The following CLEC16A variants were observed in gnomAD, a reference collection of about 807,000 sequenced individuals.
The protein encoded by CLEC16A is protein CLEC16A.
CLEC16A carries 51 observed loss-of-function variants against 109.5 expected under a neutral mutation model. That is an observed-to-expected ratio of 0.47 (90% CI 0.37 to 0.59). The LOEUF (loss-of-function observed/expected upper bound fraction) is 0.59, where lower values mean the gene tolerates loss of function less well. CLEC16A is among the 20% of genes least tolerant of loss of function. The probability of loss-of-function intolerance (pLI) is 0.00; values close to 1 mark genes in which losing one functional copy is unlikely to be tolerated. For missense variants in CLEC16A, 1,339 were observed against 1,394.0 expected, an observed-to-expected ratio of 0.96 and a Z score of 0.63; for synonymous variants, 673 against 564.2, an observed-to-expected ratio of 1.19 and a Z score of -2.73.
At chr16:11,025,874 G>A (rs566736195) in intron 13 of CLEC16A, among the ~76,000 whole-genome samples, 7 of 152,246 alleles carry the variant, frequency 4.6e-5, no homozygotes, top group South Asian at 2.1e-4. Flanking sequence ...TCCTGCTACC[G>A]GTTTCTCTTG....
intron 20 of CLEC16A, among the ~76,000 whole-genome samples, chr16:11,122,681 C>G (rs1180897843): frequency 6.6e-6 from 1 of 152,152 alleles, no homozygotes; most frequent in African/African-American, 2.4e-5. Flanking sequence ...TTGTCCCCAC[C>G]TCCTTTAACA....
intron 19 of CLEC16A, among the ~76,000 whole-genome samples, chr16:11,090,658 T>A (rs1044859084): frequency 6.6e-6 from 1 of 152,218 alleles, no homozygotes; most frequent in East Asian, 1.9e-4. Context: ...ATTTAGTTAG[T>A]TTTTGAGAGA....
At chr16:11,144,198 C>T (rs961722313) in intron 22 of CLEC16A, among the ~76,000 whole-genome samples, 1 of 152,184 alleles carries the variant, frequency 6.6e-6, no homozygotes, top group Non-Finnish European at 1.5e-5. Context: ...GGGAACTGCA[C>T]CCAAATGAGC....
chr16:11,092,576 A>G (rs748876068), intron 19 of CLEC16A, among the ~76,000 whole-genome samples: 8 of 152,118 alleles, frequency 5.3e-5, no homozygotes, highest in African/African-American at 1.2e-4. Context: ...GCTTAAACCA[A>G]TCCCTGGCTT....
chr16:11,054,608 T>C (rs1369709360), intron 18 of CLEC16A, among the ~76,000 whole-genome samples: 1 of 152,324 alleles, frequency 6.6e-6, no homozygotes, highest in South Asian at 2.1e-4. Context: ...CAGAATGATA[T>C]AAAAGAGGCC....
intron 3 of CLEC16A, among the ~76,000 whole-genome samples, chr16:10,968,325 C>G (rs990241048): frequency 6.6e-6 from 1 of 152,212 alleles, no homozygotes. Context: ...ATGTCAGGAT[C>G]AGGAGATGCA....
chr16:11,040,932 C>T (rs1415527271), intron 14 of CLEC16A: 1 of 152,146 alleles, frequency 6.6e-6, no homozygotes, highest in African/African-American at 2.4e-5. Context: ...TAGTTTTTTC[C>T]CAGTGACCTA....
intron 13 of CLEC16A, among the ~76,000 whole-genome samples, chr16:11,037,614 G>A (rs1183530141): frequency 6.6e-6 from 1 of 152,172 alleles, no homozygotes; most frequent in Non-Finnish European, 1.5e-5. Flanking sequence ...GAAATTCAAG[G>A]CCTGGTCCTA....
At chr16:11,012,175 A>G (rs759656557) in intron 11 of CLEC16A, among the ~76,000 whole-genome samples, 4 of 152,244 alleles carry the variant, frequency 2.6e-5, no homozygotes, top group African/African-American at 4.8e-5. Context: ...AGGTGAGTTG[A>G]TATCAACAGG....
At chr16:11,160,330 G>T (rs577918774) in intron 22 of CLEC16A, among the ~76,000 whole-genome samples, 1 of 152,212 alleles carries the variant, frequency 6.6e-6, no homozygotes, top group African/African-American at 2.4e-5. Flanking sequence ...TCTCTCTCGG[G>T]CCTCGCTCTT....
At chr16:11,056,002 A>G (rs971348938) in intron 18 of CLEC16A, among the ~76,000 whole-genome samples, 2 of 152,176 alleles carry the variant, frequency 1.3e-5, no homozygotes, top group African/African-American at 4.8e-5. Context: ...TGAGCAAATA[A>G]TATAAAATAA....
At chr16:11,121,784 G>A (rs1349477846) in intron 20 of CLEC16A, among the ~76,000 whole-genome samples, 2 of 148,040 alleles carry the variant, frequency 1.4e-5, no homozygotes, top group African/African-American at 5.0e-5. Context: ...GGAGGCTGAG[G>A]CACGAGAATC....
Position 10,961,107 on chromosome 16 carries a change from G to C in CLEC16A, c.210-1348G>C, listed in dbSNP as rs2042231059. ...GGCATTTTAACAAGTTCCCAAGTTG[G>C]TCACAGTGCGGCAGTGAGTTTGCTG... On this transcript the variant is annotated intron_variant, in intron 2 of 23. Coordinates refer to ENST00000409790, the MANE Select transcript of CLEC16A (RefSeq NM_015226.3). This position sits in a 1 kb window ranked among gnomAD's most constrained non-coding sequence, Gnocchi z 4.3. 6.6e-6 allele frequency among the ~76,000 whole-genome samples: 1 copy of C among 152,150 alleles called. No homozygotes were observed. Among genetic ancestry groups the C allele is most frequent in the Non-Finnish European group, 1.5e-5 (1 of 68,044 alleles).
At chr16:11,049,161 C>G (rs1316450526) in intron 17 of CLEC16A, among the ~76,000 whole-genome samples, 1 of 152,150 alleles carries the variant, frequency 6.6e-6, no homozygotes, top group Non-Finnish European at 1.5e-5. Context: ...GCGCCCACTA[C>G]TACGCCCAGC....
At chr16:11,027,220 A>G (rs2046458412) in intron 13 of CLEC16A, 1 of 1,441,700 alleles carries the variant, frequency 6.9e-7, no homozygotes. Flanking sequence ...AAACCTGACA[A>G]GGTGCATCTC....
At chr16:11,029,541 C>G (rs536986058) in intron 13 of CLEC16A, among the ~76,000 whole-genome samples, 1 of 151,948 alleles carries the variant, frequency 6.6e-6, no homozygotes, top group East Asian at 1.9e-4. Context: ...CACTGGACAG[C>G]AAGCTGGAGC....
intron 19 of CLEC16A, among the ~76,000 whole-genome samples, chr16:11,086,535 TTTTG>T (rs530270576): frequency 6.6e-5 from 10 of 151,650 alleles, no homozygotes; most frequent in Admixed American, 3.9e-4. Context: ...CGAGACATTA[TTTTG>T]TTTGTTTGTT....
chr16:11,063,639 G>A lies in CLEC16A; in HGVS notation c.2116+2617G>A, dbSNP rs144510783. On this transcript the variant is annotated intron_variant, in intron 19 of 23. Transcript: ENST00000409790. Reference sequence around the variant, plus strand: ...TCACACTTCAGTAAGAAACAACAGCGTAAAGGATATTCCCCAGAAGCCACC... The same window carrying A: ...TCACACTTCAGTAAGAAACAACAGCATAAAGGATATTCCCCAGAAGCCACC... Among the ~76,000 whole-genome samples the A allele has an allele frequency of 6.4e-3, 974 of 152,232 alleles. 17 individuals are homozygous for A. Among genetic ancestry groups the A allele is most frequent in the African/African-American group, 0.022 (918 of 41,534 alleles).
intron 19 of CLEC16A, among the ~76,000 whole-genome samples, chr16:11,094,793 C>T (rs534833388): frequency 2.6e-5 from 4 of 152,330 alleles, no homozygotes; most frequent in Admixed American, 1.3e-4. Flanking sequence ...ATGAATTTTA[C>T]GTGAATCACA....
Sources: gnomAD v4.1 joint callset for allele counts (sites outside exome capture counted in the v4.1 genomes callset) on GRCh38, gnomAD v4.1.1 for gene constraint, Gnocchi (gnomAD v3.1) non-coding constraint, MANE v1.5 for transcripts, NCBI Gene and HGNC (gene_info 2026-07-23, HGNC 2026-07-21) for gene names.